Variants in BRINP3 observed in about 807,000 individuals in gnomAD.
BRINP3 encodes BMP/retinoic acid-inducible neural-specific protein 3.
BRINP3 carries 19 observed loss-of-function variants against 71.0 expected under a neutral mutation model. The observed-to-expected ratio is 0.27, with a 90% confidence interval of 0.19 to 0.39. BRINP3 has a LOEUF of 0.39. Among genes scored for constraint, BRINP3 ranks in the 10% least tolerant of loss-of-function variants. The probability of loss-of-function intolerance (pLI) is 1.00; values close to 1 mark genes in which losing one functional copy is unlikely to be tolerated. For missense variants in BRINP3, 959 were observed against 940.8 expected (o/e 1.02, Z -0.25); for synonymous variants, 380 against 337.7 (o/e 1.13, Z -1.37).
At chr1:190,125,363 A>AT (rs1571770108) in intron 7 of BRINP3, among the ~76,000 whole-genome samples, 2 of 151,450 alleles carry the variant, frequency 1.3e-5, no homozygotes, top group East Asian at 1.9e-4. Flanking sequence ...TATACATACT[A>AT]TTTTTTGAAT....
chr1:190,282,890 A>T (rs1663144472), intron 2 of BRINP3, among the ~76,000 whole-genome samples: 1 of 152,032 alleles, frequency 6.6e-6, no homozygotes, highest in Non-Finnish European at 1.5e-5. Context: ...TTTACATTAC[A>T]TGGCCAAGGA....
intron 7 of BRINP3, among the ~76,000 whole-genome samples, chr1:190,125,229 A>G (rs1653988047): frequency 6.6e-6 from 1 of 151,954 alleles, no homozygotes; most frequent in Non-Finnish European, 1.5e-5. Context: ...TCTGTCATCA[A>G]GTACTTTCTA....
chr1:190,211,879 C>T (rs1314949534), intron 6 of BRINP3, among the ~76,000 whole-genome samples: 2 of 152,054 alleles, frequency 1.3e-5, no homozygotes, highest in Non-Finnish European at 2.9e-5. Context: ...AACACTGGTA[C>T]AGTCAGGCAT....
chr1:190,357,788 T>C (rs2102091489), intron 2 of BRINP3, among the ~76,000 whole-genome samples: 1 of 151,912 alleles, frequency 6.6e-6, no homozygotes, highest in African/African-American at 2.4e-5. Context: ...ATATTGATTC[T>C]TCCTATCTGG....
At chr1:190,270,987 C>A (rs1662062250) in intron 3 of BRINP3, among the ~76,000 whole-genome samples, 1 of 151,492 alleles carries the variant, frequency 6.6e-6, no homozygotes, top group African/African-American at 2.4e-5. Flanking sequence ...AAATTCAAAA[C>A]ATTTGATCCA....
At chr1:190,099,215 T>C in intron 7 of BRINP3, 81 bp from the exon 8 acceptor site, 1 of 1,378,346 alleles carries the variant, frequency 7.3e-7, no homozygotes, top group South Asian at 1.5e-5. Context: ...CAGAAATCTT[T>C]GCTATCATTT....
chr1:190,309,758 C>A (rs1401749580), intron 2 of BRINP3, among the ~76,000 whole-genome samples: 2 of 151,598 alleles, frequency 1.3e-5, no homozygotes, highest in African/African-American at 4.8e-5. Flanking sequence ...GAAGAATAAT[C>A]CCATTTTACT....
chr1:190,376,432 A>G (rs1670185851), intron 2 of BRINP3, among the ~76,000 whole-genome samples: 1 of 152,064 alleles, frequency 6.6e-6, no homozygotes, highest in African/African-American at 2.4e-5. Flanking sequence ...CTGTCTGCCT[A>G]CTTATTTATA....
intron 2 of BRINP3, among the ~76,000 whole-genome samples, chr1:190,337,359 G>C (rs959683842): frequency 6.6e-6 from 1 of 152,024 alleles, no homozygotes; most frequent in African/African-American, 2.4e-5. Context: ...ATTGTTCCTA[G>C]TTATGTCTGT....
intron 2 of BRINP3, among the ~76,000 whole-genome samples, chr1:190,364,522 A>C (rs116584133): frequency 1.2e-4 from 18 of 152,212 alleles, no homozygotes; most frequent in Non-Finnish European, 2.5e-4. Context: ...GAAGAACATC[A>C]AACAGTCTTG....
rs772753859 is a variant in BRINP3 at position 190,098,859 on chromosome 1, C to T, written c.1460G>A (p.Gly487Asp). Residue 487 changes from glycine to aspartate, a missense_variant, in exon 8 of 8, where the codon GGC (glycine) becomes GAC (aspartate). By Grantham distance (94) the Gly-to-Asp change is moderately conservative. Transcript: ENST00000367462. The stretch of plus-strand genomic sequence containing the variant: ...GAGATCTTGCAGGTCAGTTTCAAAG[C>T]CAATATAGTGATCGGTGGACTCGGC... Reference protein sequence around the residue: ...EVAESTDHYIGFETDLQDLEM... With the variant: ...EVAESTDHYIDFETDLQDLEM... 1.9e-6 allele frequency: 3 copies of T among 1,614,072 alleles called. No individual in the cohort carries two copies. Among genetic ancestry groups the T allele is most frequent in the East Asian group, 2.2e-5 (1 of 44,880 alleles).
At chr1:190,101,672 T>C (rs1425743373) in intron 7 of BRINP3, among the ~76,000 whole-genome samples, 1 of 152,186 alleles carries the variant, frequency 6.6e-6, no homozygotes, top group Admixed American at 6.6e-5. Context: ...ATATACATCC[T>C]ATCCAGATGA....
intron 2 of BRINP3, among the ~76,000 whole-genome samples, chr1:190,436,697 T>C (rs1217817645): frequency 6.6e-6 from 1 of 151,844 alleles, no homozygotes; most frequent in Non-Finnish European, 1.5e-5. Flanking sequence ...GTAGGAAATA[T>C]GCCTGGTTGA....
chr1:190,115,465 C>A (rs1653049440), intron 7 of BRINP3, among the ~76,000 whole-genome samples: 1 of 152,048 alleles, frequency 6.6e-6, no homozygotes, highest in South Asian at 2.1e-4. Context: ...ATGAGAAGAG[C>A]AAATCAAAAT....
intron 2 of BRINP3, among the ~76,000 whole-genome samples, chr1:190,427,032 G>A (rs1056430910): frequency 6.6e-6 from 1 of 151,742 alleles, no homozygotes; most frequent in Non-Finnish European, 1.5e-5. Context: ...CTTCAGGTAT[G>A]TATTTGTATA....
At chr1:190,342,338 T>C (rs1667714940) in intron 2 of BRINP3, 1 of 147,890 alleles carries the variant, frequency 6.8e-6, no homozygotes, top group African/African-American at 2.5e-5. Flanking sequence ...GGGGGGCCAC[T>C]ATTCTGCTTA....
At chr1:190,327,326 C>CAAAAAAAAAAAAAAAAAAAAAAAA (rs1227478693) in intron 2 of BRINP3, among the ~76,000 whole-genome samples, 11 of 44,238 alleles carry the variant, frequency 2.5e-4, no homozygotes, top group South Asian at 8.0e-4. Flanking sequence ...AAAAAAAGAA[C>CAAAAAAAAAAAAAAAAAAAAAAAA]AAAAAAAAAA....
chr1:190,100,897 G>A (rs185486207), intron 7 of BRINP3, among the ~76,000 whole-genome samples: 20 of 152,290 alleles, frequency 1.3e-4, no homozygotes, highest in African/African-American at 4.8e-4. Flanking sequence ...GTGATATTGT[G>A]AGGTGGTATC....
At chr1:190,161,030 G>A (rs1657310613) in intron 6 of BRINP3, 140 bp from the exon 7 acceptor site, 2 of 577,852 alleles carry the variant, frequency 3.5e-6, no homozygotes, top group Non-Finnish European at 3.0e-6. Context: ...TGCCTCATTT[G>A]TGAGTAGCAA....
Sources: allele counts gnomAD v4.1 joint callset (sites outside exome capture counted in the v4.1 genomes callset), GRCh38; gene constraint gnomAD v4.1.1; transcripts MANE v1.5; gene names NCBI Gene and HGNC (gene_info 2026-07-23, HGNC 2026-07-21).